The following FANCC variants were observed in gnomAD, a reference collection of about 807,000 sequenced individuals.
FANCC encodes FA complementation group C, also known as Fanconi anemia group C protein.
Under a neutral mutation model 71.3 loss-of-function variants are expected in FANCC, and 55 were observed. The ratio of observed to expected loss-of-function variants is 0.77; its 90% CI spans 0.62 to 0.97. The LOEUF is 0.97. Among genes scored for constraint, FANCC ranks in the 50% least tolerant of loss-of-function variants. FANCC has a pLI of 0.00. For missense variants in FANCC, 678 were observed against 670.9 expected, an observed-to-expected ratio of 1.01 and a Z score of -0.12; for synonymous variants, 275 against 244.9, an observed-to-expected ratio of 1.12 and a Z score of -1.15.
chr9:95,149,989 T>A lies in FANCC; in HGVS notation c.620A>T (p.His207Leu), dbSNP rs202038890. Residue 207 changes from histidine to leucine, a missense_variant, in exon 7 of 15, where the codon CAT (histidine) becomes CTT (leucine). By Grantham distance (99) the His-to-Leu change is moderately conservative. Transcript: ENST00000289081. ...GAGGATTTCCTGAGGTTCACGTCCATGACAGATGAGGAGAGCCTCCACCAG... is the reference window on the plus strand; with the variant it reads ...GAGGATTTCCTGAGGTTCACGTCCAAGACAGATGAGGAGAGCCTCCACCAG... ...DPLVEALLIC[H>L]GREPQEILQP... 6.3e-5 allele frequency: 102 copies of A among 1,613,702 alleles called. No individual in the cohort carries two copies. Among genetic ancestry groups the A allele is most frequent in the Non-Finnish European group, 8.1e-5 (96 of 1,179,914 alleles).
intron 14 of FANCC, among the ~76,000 whole-genome samples, chr9:95,105,485 G>A (rs2071372482): frequency 6.6e-6 from 1 of 152,230 alleles, no homozygotes; most frequent in Non-Finnish European, 1.5e-5. Flanking sequence ...CAGCATGCTG[G>A]TGCTTTTTCT....
At chr9:95,316,609 G>C (rs1835753919) in intron 1 of FANCC, among the ~76,000 whole-genome samples, 1 of 152,182 alleles carries the variant, frequency 6.6e-6, no homozygotes, top group Non-Finnish European at 1.5e-5. Flanking sequence ...ATGCCCGGGA[G>C]TTTTCCAAGT....
chr9:95,163,197 T>C (rs957155857), intron 6 of FANCC, among the ~76,000 whole-genome samples: 1 of 152,228 alleles, frequency 6.6e-6, no homozygotes, highest in African/African-American at 2.4e-5. Flanking sequence ...GACAATCTTT[T>C]CCCAATCTTA....
At position 95,125,124 on chromosome 9, in the gene FANCC, G is replaced by A. The variant is rs1825775052; in HGVS notation, c.958C>T (p.Gln320Ter). The A allele has an allele frequency of 3.1e-6, 5 of 1,614,178 alleles. No individual in the cohort carries two copies. The highest frequency in any genetic ancestry group is 1.6e-4 in the Middle Eastern group (1 of 6,062). ...TTCTCCAGAGCTTCTACAAAGCACTGCGTAAACACCTGAATAGTGGCTATG... is the reference window on the plus strand; with the variant it reads ...TTCTCCAGAGCTTCTACAAAGCACTACGTAAACACCTGAATAGTGGCTATG... ...EIIATIQVFT[Q>*]CFVEALEKAS... Residue 320 changes from glutamine to a stop codon, truncating the protein, a stop_gained, in exon 10 of 15, where the codon CAG becomes TAG. Transcript: ENST00000289081. LOFTEE classifies it high-confidence loss of function.
At chr9:95,111,093 C>T (rs2071877683) in intron 13 of FANCC, 2 of 1,518,488 alleles carry the variant, frequency 1.3e-6, no homozygotes, top group Non-Finnish European at 8.8e-7. Context: ...CTGGCTGTGG[C>T]CAGGCTCTGC....
chr9:95,285,390 T>C (rs1564827501), intron 1 of FANCC, among the ~76,000 whole-genome samples: 3 of 152,184 alleles, frequency 2.0e-5, no homozygotes, highest in African/African-American at 7.2e-5. Flanking sequence ...ACTTTTTGTA[T>C]ATCACAATAA....
At chr9:95,104,361 C>G (rs1564638034) in intron 14 of FANCC, among the ~76,000 whole-genome samples, 1 of 152,184 alleles carries the variant, frequency 6.6e-6, no homozygotes, top group African/African-American at 2.4e-5. Context: ...GCCACACTGG[C>G]GTCTGCTCTG....
chr9:95,221,469 A>G (rs1829264134), intron 4 of FANCC, among the ~76,000 whole-genome samples: 1 of 152,210 alleles, frequency 6.6e-6, no homozygotes, highest in African/African-American at 2.4e-5. Context: ...AGCATGAATT[A>G]TAATAGAAAA....
intron 4 of FANCC, among the ~76,000 whole-genome samples, chr9:95,174,560 C>T (rs553734438): frequency 2.6e-5 from 4 of 151,756 alleles, no homozygotes; most frequent in Non-Finnish European, 5.9e-5. Context: ...CTTCTTCTTT[C>T]TACTTAAGTA....
chr9:95,178,099 A>G (rs1424389595), intron 4 of FANCC, among the ~76,000 whole-genome samples: 1 of 152,050 alleles, frequency 6.6e-6, no homozygotes, highest in African/African-American at 2.4e-5. Flanking sequence ...TAATGTGTGG[A>G]CCAAGACAAT....
intron 13 of FANCC, chr9:95,111,087 C>T: frequency 6.6e-7 from 1 of 1,515,772 alleles, no homozygotes. Context: ...AGGGCCCTGG[C>T]TGTGGCCAGG....
At chr9:95,228,248 A>G (rs1279841204) in intron 4 of FANCC, among the ~76,000 whole-genome samples, 1 of 152,214 alleles carries the variant, frequency 6.6e-6, no homozygotes, top group Non-Finnish European at 1.5e-5. Context: ...CAGGTGCCAC[A>G]TTACAACACT....
At position 95,114,617 on chromosome 9, in the gene FANCC, G is replaced by A. The variant is rs755147557; in HGVS notation, c.1154+12C>T. On this transcript the variant is annotated intron_variant, in intron 12 of 14. Coordinates refer to ENST00000289081, the MANE Select transcript of FANCC (RefSeq NM_000136.3). ...TGTGAAGTAGATTTGGGAGTGGTCA[G>A]TGTTTGCTCACCCATGAGTCTGGTC... 6.2e-7 allele frequency: 1 copy of A among 1,611,094 alleles called. No homozygotes were observed. Among genetic ancestry groups the A allele is most frequent in the Admixed American group, 1.7e-5 (1 of 60,030 alleles).
chr9:95,303,198 G>A (rs1021963333), intron 1 of FANCC, among the ~76,000 whole-genome samples: 14 of 152,176 alleles, frequency 9.2e-5, no homozygotes, highest in African/African-American at 3.4e-4. Flanking sequence ...ATCTGAGGAA[G>A]TGAATTTTGA....
intron 1 of FANCC, among the ~76,000 whole-genome samples, chr9:95,262,470 C>T (rs965052173): frequency 6.6e-5 from 10 of 152,260 alleles, no homozygotes; most frequent in South Asian, 2.1e-4. Context: ...AAGAAAACAA[C>T]GACAAGTGTT....
intron 12 of FANCC, among the ~76,000 whole-genome samples, chr9:95,112,802 A>G (rs1010301229): frequency 2.6e-5 from 4 of 152,236 alleles, no homozygotes; most frequent in Non-Finnish European, 5.9e-5. Context: ...CCTGAAAGGT[A>G]TCTCATGGCT....
At chr9:95,220,411 A>G (rs1829163372) in intron 4 of FANCC, among the ~76,000 whole-genome samples, 1 of 152,260 alleles carries the variant, frequency 6.6e-6, no homozygotes, top group Non-Finnish European at 1.5e-5. Flanking sequence ...ATAAAGACAC[A>G]TGCACACGTA....
At chr9:95,157,205 C>T (rs890565429) in intron 6 of FANCC, among the ~76,000 whole-genome samples, 1 of 151,896 alleles carries the variant, frequency 6.6e-6, no homozygotes, top group Non-Finnish European at 1.5e-5. Context: ...AAGTTCATTT[C>T]CAAAGATTCA....
At chr9:95,130,883 A>C (rs1826798428) in intron 8 of FANCC, among the ~76,000 whole-genome samples, 1 of 152,236 alleles carries the variant, frequency 6.6e-6, no homozygotes, top group Admixed American at 6.5e-5. Context: ...CTTCACATCT[A>C]TCATGTACAA....
Sources: gnomAD v4.1 joint callset for allele counts (sites outside exome capture counted in the v4.1 genomes callset) on GRCh38, gnomAD v4.1.1 for gene constraint, MANE v1.5 for transcripts, NCBI Gene and HGNC (gene_info 2026-07-23, HGNC 2026-07-21) for gene names.